The following HEXD variants were observed in gnomAD, a reference collection of about 807,000 sequenced individuals.
HEXD encodes the protein N-acetyl-beta-galactosaminidase.
A neutral mutation model predicts 54.2 loss-of-function variants in HEXD; 47 were observed. The observed-to-expected ratio is 0.87, with a 90% CI of 0.69 to 1.11. The LOEUF is 1.11. Among genes scored for constraint, HEXD ranks in the 50% least tolerant of loss-of-function variants. HEXD has a pLI of 0.00. For synonymous variants in HEXD, 293 were observed against 287.6 expected (o/e 1.02, Z -0.19); for missense variants, 576 against 649.2 (o/e 0.89, Z 1.23).
Position 82,435,892 on chromosome 17 carries a change from G to A in HEXD, c.631+20G>A. ...TCGCAGGTCGGCCAACAGGGCTGGG[G>A]GAGGGGGTGGGCCACTGAACTGCCC... On this transcript the variant is annotated intron_variant, in intron 6 of 12. Coordinates refer to ENST00000327949, the MANE Select transcript of HEXD (RefSeq NM_001330542.2). 1.3e-6 allele frequency: 2 copies of A among 1,594,044 alleles called. No homozygotes were observed. The highest frequency in any genetic ancestry group is 2.2e-5 in the South Asian group (2 of 90,088).
intron 8 of HEXD, 87 bp from the exon 9 acceptor site, chr17:82,439,544 C>A: frequency 1.3e-6 from 2 of 1,489,864 alleles, no homozygotes; most frequent in South Asian, 2.8e-5. Flanking sequence ...GGCCCTGGAA[C>A]AACAGCAGGG....
chr17:82,426,901 C>G (rs768498190), intron 3 of HEXD: 1 of 151,346 alleles, frequency 6.6e-6, no homozygotes, highest in African/African-American at 2.4e-5. Flanking sequence ...TTTGGGAGGC[C>G]GAGGCAGGCG....
chr17:82,440,853 C>A, intron 9 of HEXD, 144 bp from the exon 10 acceptor site: 2 of 859,376 alleles, frequency 2.3e-6, no homozygotes, highest in Non-Finnish European at 3.8e-6. Flanking sequence ...CCCCTTGGGG[C>A]CGGCACACGC....
intron 2 of HEXD, among the ~76,000 whole-genome samples, chr17:82,420,680 G>T (rs1368892078): frequency 6.6e-6 from 1 of 152,194 alleles, no homozygotes; most frequent in Non-Finnish European, 1.5e-5. Flanking sequence ...CAATTCTCCT[G>T]CCTCAGCCTC....
chr17:82,438,224 C>G (rs2053828884), intron 8 of HEXD, among the ~76,000 whole-genome samples: 1 of 151,126 alleles, frequency 6.6e-6, no homozygotes, highest in Admixed American at 6.6e-5. Context: ...GGCGACAGAG[C>G]AAAACTCTGT....
chr17:82,435,756 A>C lies in HEXD; in HGVS notation c.515A>C (p.Lys172Thr), dbSNP rs754837257. 2 of 1,612,960 alleles carry C rather than the reference A, an allele frequency of 1.2e-6. No homozygotes were observed. The highest frequency in any genetic ancestry group is 1.7e-6 in the Non-Finnish European group (2 of 1,179,890). The change falls in exon 6 of 13, where the codon AAG (lysine) becomes ACG (threonine). Residue 172 changes from lysine (K) to threonine (T), a missense_variant. Coordinates refer to ENST00000327949, the MANE Select transcript of HEXD (RefSeq NM_001330542.2). ...CAGCAAGAGCAGAACAGCACGGGGA[A>C]GTTGTGCCTGTCACACATGCGGGCG... ...WLQQEQNSTGKLCLSHMRAVA... is the reference protein window; with the variant it reads ...WLQQEQNSTGTLCLSHMRAVA...
chr17:82,424,375 C>A lies in HEXD; in HGVS notation c.85-19C>A. ...TCCAGCAGCCACTTCTTCCTAACCC[C>A]TCCCTGTTTACCCCCCAGATTTTTC... On this transcript the variant is annotated intron_variant, in intron 2 of 12. Coordinates refer to ENST00000327949, the MANE Select transcript of HEXD (RefSeq NM_001330542.2). 6.4e-7 allele frequency: 1 copy of A among 1,572,994 alleles called. No homozygotes were observed. Among genetic ancestry groups the A allele is most frequent in the South Asian group, 1.1e-5 (1 of 90,148 alleles).
At chr17:82,418,909 A>G (rs1001881829) in intron 1 of HEXD, among the ~76,000 whole-genome samples, 169 bp downstream of exon 1, 1 of 152,190 alleles carries the variant, frequency 6.6e-6, no homozygotes, top group Non-Finnish European at 1.5e-5. Context: ...AGGCTCGCAC[A>G]GAGCCTGTGG....
At position 82,441,180 on chromosome 17, in the gene HEXD, C is replaced by T. The variant is rs200753176; in HGVS notation, c.1077C>T (p.Ser359=). ...CTCTCCGCAGGGAGGGGGCCGGCTCCTTCCCTGGCAGCAACATCCTTGCCC... is the reference window on the plus strand; with the variant it reads ...CTCTCCGCAGGGAGGGGGCCGGCTCTTTCCCTGGCAGCAACATCCTTGCCC... The part of the protein sequence containing the change: ...KTDPVREGAG[S]FPGSNILALV... The change falls in exon 11 of 13, where the codon TCC becomes TCT. Residue 359 remains serine, a synonymous_variant. Transcript: ENST00000327949. 1.0e-3 allele frequency: 1,688 copies of T among 1,613,244 alleles called. 10 individuals are homozygous for T. In the African/African-American group the frequency reaches 0.016, roughly 15 times the overall value.
In HEXD at chr17:82,439,708, T is replaced by C; in HGVS notation, c.977T>C (p.Leu326Pro). The C allele has an allele frequency of 6.3e-7, 1 of 1,599,990 alleles. No individual in the cohort carries two copies. Among genetic ancestry groups the C allele is most frequent in the South Asian group, 1.1e-5 (1 of 91,034 alleles). ...PSLAACLQLL[L>P]RGGFDEDVKA... ...CTGGCCGCCTGCCTGCAGTTGCTTC[T>C]ACGCGGTATGTCTGGTCTGGCCACC... Residue 326 changes from leucine to proline, a missense_variant, in exon 9 of 13, where the codon CTA (leucine) becomes CCA (proline). Transcript: ENST00000327949.
chr17:82,438,534 G>A (rs372414648), intron 8 of HEXD, among the ~76,000 whole-genome samples: 60 of 152,328 alleles, frequency 3.9e-4, no homozygotes, highest in African/African-American at 1.3e-3. Context: ...CTCCCCTGAC[G>A]ACACTGTGTG....
chr17:82,420,097 AC>A, intron 2 of HEXD: 1 of 372,512 alleles, frequency 2.7e-6, no homozygotes, highest in Non-Finnish European at 4.8e-6. Context: ...AAAAAAAAAG[AC>A]AGAGAACAAA....
At chr17:82,424,544 G>T in intron 3 of HEXD, 41 bp downstream of exon 3, 1 of 1,447,620 alleles carries the variant, frequency 6.9e-7, no homozygotes, top group Non-Finnish European at 9.7e-7. Flanking sequence ...CGGCGTGAAA[G>T]CGGGGAAGGG....
At chr17:82,433,121 TATATATA>T (rs1432031720) in intron 4 of HEXD, among the ~76,000 whole-genome samples, 8 of 16,170 alleles carry the variant, frequency 4.9e-4, no homozygotes, top group South Asian at 4.8e-3. Context: ...TATATATATA[TATATATA>T]TTTTTTTTTT....
chr17:82,442,158 A>T lies in HEXD; in HGVS notation c.1254-19A>T. The T allele has an allele frequency of 1.3e-6, 2 of 1,588,754 alleles. No homozygotes were observed. Among genetic ancestry groups the T allele is most frequent in the Non-Finnish European group, 1.7e-6 (2 of 1,170,646 alleles). On this transcript the variant is annotated intron_variant, in intron 12 of 12. Coordinates refer to ENST00000327949, the MANE Select transcript of HEXD (RefSeq NM_001330542.2). The surrounding 1 kb of genome is among the most constrained non-coding windows in gnomAD (Gnocchi z 6.8). Reference sequence around the variant, plus strand: ...TCCCAAGTGTGCAGACTGTGCGTTCATGGCGCCCTCACCTGCAGCCTCCTG... The same window carrying T: ...TCCCAAGTGTGCAGACTGTGCGTTCTTGGCGCCCTCACCTGCAGCCTCCTG...
At chr17:82,421,005 T>A (rs977845212) in intron 2 of HEXD, among the ~76,000 whole-genome samples, 6 of 152,102 alleles carry the variant, frequency 3.9e-5, no homozygotes, top group Non-Finnish European at 7.3e-5. Flanking sequence ...ATAACACCTG[T>A]ATGGGGTTAG....
intron 9 of HEXD, chr17:82,440,573 A>G (rs2053904188): frequency 3.1e-6 from 1 of 318,816 alleles, no homozygotes; most frequent in Admixed American, 5.0e-5. Flanking sequence ...ATGAACACCA[A>G]GTCGGAGATT....
chr17:82,438,884 C>T (rs529816580), intron 8 of HEXD, among the ~76,000 whole-genome samples: 11 of 152,380 alleles, frequency 7.2e-5, no homozygotes, highest in African/African-American at 2.2e-4. Flanking sequence ...AAACCAGGAT[C>T]GTCCATAGAG....
At chr17:82,421,391 C>T (rs1057458427) in intron 2 of HEXD, among the ~76,000 whole-genome samples, 6 of 152,148 alleles carry the variant, frequency 3.9e-5, no homozygotes, top group African/African-American at 1.2e-4. Context: ...TGGGGAAAGG[C>T]GTCCAGAAGA....
Sources: gnomAD v4.1 joint callset for allele counts (sites outside exome capture counted in the v4.1 genomes callset) on GRCh38, gnomAD v4.1.1 for gene constraint, Gnocchi (gnomAD v3.1) non-coding constraint, MANE v1.5 for transcripts, NCBI Gene and HGNC (gene_info 2026-07-23, HGNC 2026-07-21) for gene names.